The following OSBPL6 variants were observed in gnomAD, a reference collection of about 807,000 sequenced individuals.
The protein encoded by OSBPL6 is oxysterol-binding protein-related protein 6.
A neutral mutation model predicts 125.8 loss-of-function variants in OSBPL6; 49 were observed. The observed-to-expected ratio is 0.39, with a 90% CI of 0.31 to 0.49. The LOEUF is 0.49. OSBPL6 is among the 20% of genes least tolerant of loss of function. OSBPL6 has a pLI of 0.88. For synonymous variants in OSBPL6, 394 were observed against 391.8 expected (o/e 1.01, Z -0.07); for missense variants, 986 against 1,135.4 (o/e 0.87, Z 1.89).
chr2:178,332,944 T>A lies in OSBPL6; in HGVS notation c.560T>A (p.Ile187Asn). ...RHHRLYRQNE[I>N]VRSPRDASFH... ...CATCGGTTGTATCGTCAGAATGAAA[T>A]TGTGAGATCACCAAGAGATGCTAGT... is the stretch of plus-strand genomic sequence containing the variant. Residue 187 changes from isoleucine to asparagine, a missense_variant, in exon 8 of 25, where the codon ATT becomes AAT. By Grantham distance (149) the Ile-to-Asn change is moderately radical (BLOSUM62 -3). Transcript: ENST00000190611. The A allele has an allele frequency of 6.2e-7, 1 of 1,614,184 alleles. No homozygotes were observed. Among genetic ancestry groups the A allele is most frequent in the Non-Finnish European group, 8.5e-7 (1 of 1,180,012 alleles).
At chr2:178,302,568 A>G (rs951901142) in intron 2 of OSBPL6, among the ~76,000 whole-genome samples, 3 of 152,200 alleles carry the variant, frequency 2.0e-5, no homozygotes, top group African/African-American at 7.2e-5. Flanking sequence ...ACTTTATATT[A>G]AGTACTTGAA....
chr2:178,256,142 G>C (rs142758287), intron 1 of OSBPL6, among the ~76,000 whole-genome samples: 1 of 152,280 alleles, frequency 6.6e-6, no homozygotes, highest in African/African-American at 2.4e-5. Flanking sequence ...CAGAAAAGCT[G>C]TGCAGTTCTG....
intron 2 of OSBPL6, among the ~76,000 whole-genome samples, chr2:178,303,454 A>G (rs1196499456): frequency 6.6e-6 from 1 of 152,188 alleles, no homozygotes; most frequent in Non-Finnish European, 1.5e-5. Flanking sequence ...CCTGAATAAC[A>G]CATTCAGGGT....
At chr2:178,272,326 G>A (rs2092388762) in intron 1 of OSBPL6, among the ~76,000 whole-genome samples, 1 of 152,196 alleles carries the variant, frequency 6.6e-6, no homozygotes, top group Non-Finnish European at 1.5e-5. Context: ...GTTCTGTTAT[G>A]TATCAGACTA....
intron 3 of OSBPL6, among the ~76,000 whole-genome samples, chr2:178,315,299 T>C (rs550238632): frequency 6.6e-6 from 1 of 152,168 alleles, no homozygotes; most frequent in Non-Finnish European, 1.5e-5. Context: ...TTACGGTACA[T>C]GTTCAGTCCA....
intron 1 of OSBPL6, among the ~76,000 whole-genome samples, chr2:178,195,919 A>G (rs987704925): frequency 6.6e-6 from 1 of 152,216 alleles, no homozygotes; most frequent in African/African-American, 2.4e-5. Flanking sequence ...CAAGGTAAAA[A>G]TAAGAAATTT....
In OSBPL6 at chr2:178,339,860, C is replaced by CT; in HGVS notation, c.987+98dup. On this transcript the variant is annotated intron_variant, in intron 11 of 24. Transcript: ENST00000190611. ...TATGGGCGTTAGATTGAAAGGGCAA[C>CT]TTAACTGCTTTAAAGCCAGCACTTT... The CT allele has an allele frequency of 2.0e-5, 15 of 739,806 alleles. No homozygotes were observed. The South Asian group carries it at 4.3e-4, about 21-fold the overall frequency. 45.8% of individuals were successfully genotyped at this position (739,806 alleles called of 1,614,324 possible). A position where few individuals can be genotyped will look rare whatever the true frequency, so the allele number is the denominator to read the frequency against.
intron 1 of OSBPL6, among the ~76,000 whole-genome samples, chr2:178,204,734 G>A (rs777025971): frequency 3.9e-5 from 6 of 152,132 alleles, no homozygotes; most frequent in Non-Finnish European, 7.3e-5. Context: ...AGGTCTTGAG[G>A]GATTGTGGTA....
rs1343646777 is a variant in OSBPL6, at chr2:178,382,465, T to A, written c.1579T>A (p.Ser527Thr). 1.9e-6 allele frequency: 3 copies of A among 1,613,894 alleles called. No individual in the cohort carries two copies. Among genetic ancestry groups the A allele is most frequent in the Non-Finnish European group, 2.5e-6 (3 of 1,179,956 alleles). ...SYISDVSDNI[S>T]EDNTSVADNI... ...CATCAGTGATGTGAGTGATAATATATCTGAAGACAACACCAGTGTTGCAGA... is the reference window on the plus strand; with the variant it reads ...CATCAGTGATGTGAGTGATAATATAACTGAAGACAACACCAGTGTTGCAGA... The change falls in exon 16 of 25, where the codon TCT (serine) becomes ACT (threonine). Residue 527 changes from serine to threonine, a missense_variant. By Grantham distance (58) the Ser-to-Thr change is moderately conservative. This residue lies in a region of OSBPL6 where 843 missense variants were observed against 997.3 expected (regional missense o/e 0.85). Coordinates refer to ENST00000190611, the MANE Select transcript of OSBPL6 (RefSeq NM_032523.4).
intron 1 of OSBPL6, among the ~76,000 whole-genome samples, chr2:178,195,521 T>A (rs2088835766): frequency 1.3e-5 from 2 of 152,230 alleles, no homozygotes; most frequent in Admixed American, 6.5e-5. Context: ...TATAGACACA[T>A]CTGCAAGGCA....
chr2:178,274,642 G>T (rs1263518448), intron 1 of OSBPL6, among the ~76,000 whole-genome samples: 1 of 152,072 alleles, frequency 6.6e-6, no homozygotes, highest in African/African-American at 2.4e-5. Context: ...ACACCAGTAA[G>T]GGTGTCCCTA....
chr2:178,339,586 G>C (rs893395874), intron 10 of OSBPL6, 86 bp from the exon 11 acceptor site: 2 of 1,072,594 alleles, frequency 1.9e-6, no homozygotes, highest in African/African-American at 1.7e-5. Flanking sequence ...ATGACCTTTA[G>C]TAACTTGCTG....
In OSBPL6 at chr2:178,363,967, T is replaced by C. The variant is rs139301406; in HGVS notation, c.1287+2152T>C. On this transcript the variant is annotated intron_variant, in intron 13 of 24. Transcript: ENST00000190611. ...TCACATCCCCGTGTGTGTCCATGCC[T>C]TCCCCTCGGCGTAGTCGCACCCCCA... Among the ~76,000 whole-genome samples the C allele has an allele frequency of 7.6e-3, 1,152 of 152,330 alleles. 18 individuals are homozygous for C. Among genetic ancestry groups the C allele is most frequent in the African/African-American group, 0.027 (1,103 of 41,586 alleles).
chr2:178,341,333 CT>C (rs60436384), intron 11 of OSBPL6, among the ~76,000 whole-genome samples: 241 of 117,380 alleles, frequency 2.1e-3, no homozygotes, highest in Middle Eastern at 4.5e-3. Flanking sequence ...CCAAATCATT[CT>C]TTTTTTTTTT....
At chr2:178,347,437 C>T (rs1048559684) in intron 11 of OSBPL6, among the ~76,000 whole-genome samples, 1 of 151,004 alleles carries the variant, frequency 6.6e-6, no homozygotes, top group Non-Finnish European at 1.5e-5. Flanking sequence ...CACTCACAGT[C>T]TCTCCCCATG....
At chr2:178,252,459 T>C (rs1404536158) in intron 1 of OSBPL6, among the ~76,000 whole-genome samples, 1 of 152,166 alleles carries the variant, frequency 6.6e-6, no homozygotes, top group East Asian at 1.9e-4. Context: ...CCACAGACCA[T>C]ATTTTGTGGC....
chr2:178,307,747 T>A (rs1044046949), intron 3 of OSBPL6, among the ~76,000 whole-genome samples: 1 of 152,132 alleles, frequency 6.6e-6, no homozygotes, highest in African/African-American at 2.4e-5. Context: ...GAGAGAGTCA[T>A]TGTAAGCAGC....
rs563257795 is a variant in OSBPL6 at position 178,246,389 on chromosome 2, C to T, written c.-350-38538C>T. Reference sequence around the variant, plus strand: ...CTGGGCACCTTCTCCTGTGGCTGCACTCTTTCTGCTTCTGTGACTTCCAGT... The same window carrying T: ...CTGGGCACCTTCTCCTGTGGCTGCATTCTTTCTGCTTCTGTGACTTCCAGT... On this transcript the variant is annotated intron_variant, in intron 1 of 24. Coordinates refer to ENST00000190611, the MANE Select transcript of OSBPL6 (RefSeq NM_032523.4). Among the ~76,000 whole-genome samples the T allele has an allele frequency of 3.3e-5, 5 of 152,288 alleles. No homozygotes were observed. The East Asian group carries it at 7.7e-4, about 24-fold the overall frequency.
intron 20 of OSBPL6, among the ~76,000 whole-genome samples, chr2:178,387,841 A>G (rs2154117044): frequency 6.6e-6 from 1 of 152,210 alleles, no homozygotes; most frequent in African/African-American, 2.4e-5. Context: ...CATCTCTACT[A>G]AAAATACAAA....
Sources: gnomAD v4.1 joint callset for allele counts (sites outside exome capture counted in the v4.1 genomes callset) on GRCh38, gnomAD v4.1.1 for gene constraint, gnomAD v4.1.1 regional missense constraint, MANE v1.5 for transcripts, NCBI Gene and HGNC (gene_info 2026-07-23, HGNC 2026-07-21) for gene names.